Variants in FLT1 observed in about 807,000 individuals in gnomAD.
The protein encoded by FLT1 is vascular endothelial growth factor receptor 1.
FLT1 carries 49 observed loss-of-function variants against 156.3 expected under a neutral mutation model. The ratio of observed to expected loss-of-function variants is 0.31; its 90% confidence interval spans 0.25 to 0.40. FLT1 has a LOEUF of 0.40. Ranked by LOEUF, FLT1 falls within the 10% of genes least tolerant of loss-of-function variation. The probability of loss-of-function intolerance (pLI) is 1.00; values close to 1 mark genes in which losing one functional copy is unlikely to be tolerated. For synonymous variants in FLT1, 594 were observed against 583.8 expected (o/e 1.02, Z -0.25); for missense variants, 1,322 against 1,637.2 (o/e 0.81, Z 3.32).
intron 3 of FLT1, among the ~76,000 whole-genome samples, chr13:28,466,448 A>G (rs1879851707): frequency 6.6e-6 from 1 of 152,206 alleles, no homozygotes. Flanking sequence ...GGAACCAGTT[A>G]TATAACACTC....
intron 10 of FLT1, among the ~76,000 whole-genome samples, chr13:28,412,054 T>C (rs1235832255): frequency 2.0e-5 from 3 of 152,016 alleles, no homozygotes; most frequent in African/African-American, 2.4e-5. Context: ...AGAGGAGTAA[T>C]GAAAAGCAAA....
chr13:28,311,453 T>A (rs1341294484), intron 27 of FLT1, 137 bp downstream of exon 27: 1 of 791,972 alleles, frequency 1.3e-6, no homozygotes, highest in Admixed American at 2.7e-5. Flanking sequence ...ATCAACATAA[T>A]CTTTCTTTCT....
At chr13:28,321,086 TG>T (rs949954408) in intron 23 of FLT1, among the ~76,000 whole-genome samples, 4 of 152,142 alleles carry the variant, frequency 2.6e-5, no homozygotes, top group African/African-American at 7.2e-5. Flanking sequence ...ATCAATCATC[TG>T]GGTTTATTTG....
chr13:28,305,726 G>A (rs1870715480), intron 29 of FLT1, among the ~76,000 whole-genome samples: 1 of 152,216 alleles, frequency 6.6e-6, no homozygotes, highest in Admixed American at 6.5e-5. Context: ...ATGGCTTTGA[G>A]TGCAGCCCAA....
At chr13:28,362,801 T>C (rs895410777) in intron 14 of FLT1, among the ~76,000 whole-genome samples, 11 of 152,198 alleles carry the variant, frequency 7.2e-5, no homozygotes, top group African/African-American at 2.7e-4. Context: ...TAACATCATC[T>C]GGCACAGATT....
chr13:28,433,082 T>C (rs1043018148), intron 6 of FLT1, among the ~76,000 whole-genome samples: 3 of 152,192 alleles, frequency 2.0e-5, no homozygotes, highest in African/African-American at 7.2e-5. Context: ...GACTTTGTAA[T>C]TGGGCAATCT....
rs112295569 is a variant in FLT1 at position 28,344,075 on chromosome 13, C to T, written c.2355+1370G>A. On this transcript the variant is annotated intron_variant, in intron 16 of 29. Transcript: ENST00000282397. ...AATTTTTCCAGACATATATCTGTCA[C>T]ACTAGGTGCCCCACTCCCCCCATTC... Among the ~76,000 whole-genome samples the T allele has an allele frequency of 7.1e-3, 1,073 of 151,850 alleles. 15 individuals carry two copies. Among genetic ancestry groups the T allele is most frequent in the African/African-American group, 0.025 (1,020 of 41,482 alleles).
At chr13:28,441,542 T>C (rs1208206523) in intron 3 of FLT1, among the ~76,000 whole-genome samples, 2 of 152,144 alleles carry the variant, frequency 1.3e-5, no homozygotes, top group South Asian at 4.1e-4. Flanking sequence ...CTGGTACCAG[T>C]AGGTAGATAT....
chr13:28,317,451 T>A lies in FLT1; in HGVS notation c.3386+47A>T, dbSNP rs372468946. 13 of 1,205,240 alleles carry A rather than the reference T, an allele frequency of 1.1e-5. No individual in the cohort carries two copies. In the African/African-American group the frequency reaches 1.6e-4, roughly 15 times the overall value. The allele number at this position is 1,205,240 out of a possible 1,614,324, so 74.7% of individuals were successfully genotyped here. ...ACATCCCCTCTCAGGAATGCCCTGG[T>A]GAAAAGCGAGCTGTCAGATGGGGAG... On this transcript the variant is annotated intron_variant, in intron 25 of 29. Coordinates refer to ENST00000282397, the MANE Select transcript of FLT1 (RefSeq NM_002019.4).
chr13:28,363,012 C>T (rs1456167914), intron 14 of FLT1, among the ~76,000 whole-genome samples: 5 of 152,166 alleles, frequency 3.3e-5, no homozygotes, highest in African/African-American at 1.2e-4. Flanking sequence ...GCATTTATTT[C>T]CCTTCTTACG....
At chr13:28,369,165 A>G (rs1873437374) in intron 14 of FLT1, among the ~76,000 whole-genome samples, 1 of 152,204 alleles carries the variant, frequency 6.6e-6, no homozygotes, top group Admixed American at 6.5e-5. Flanking sequence ...CAAACTTTGG[A>G]TTTTTGGAAA....
At chr13:28,315,465 A>T (rs1056989299) in intron 25 of FLT1, among the ~76,000 whole-genome samples, 4 of 152,208 alleles carry the variant, frequency 2.6e-5, no homozygotes, top group African/African-American at 9.7e-5. Context: ...CTGAGGAAAA[A>T]GAATGACTTG....
chr13:28,403,590 G>T (rs1242651852), intron 11 of FLT1, among the ~76,000 whole-genome samples: 1 of 152,146 alleles, frequency 6.6e-6, no homozygotes, highest in Non-Finnish European at 1.5e-5. Context: ...ATAAATTCTT[G>T]TGTTAATATC....
At chr13:28,401,986 C>T (rs1875469597) in intron 11 of FLT1, among the ~76,000 whole-genome samples, 1 of 152,186 alleles carries the variant, frequency 6.6e-6, no homozygotes, top group East Asian at 1.9e-4. Flanking sequence ...TCCATATCTA[C>T]AAACCTAACA....
chr13:28,307,370 T>C (rs1327190520), intron 28 of FLT1, among the ~76,000 whole-genome samples: 2 of 152,180 alleles, frequency 1.3e-5, no homozygotes, highest in African/African-American at 2.4e-5. Context: ...TTTAAGGCTC[T>C]TACAGGGCAG....
At chr13:28,370,133 A>G (rs1400733171) in intron 14 of FLT1, among the ~76,000 whole-genome samples, 1 of 151,932 alleles carries the variant, frequency 6.6e-6, no homozygotes, top group Non-Finnish European at 1.5e-5. Flanking sequence ...GCAGTGAGCC[A>G]TGGTGACGCC....
At chr13:28,305,784 T>A (rs12877323) in intron 29 of FLT1, among the ~76,000 whole-genome samples, 2 of 152,084 alleles carry the variant, frequency 1.3e-5, no homozygotes, top group African/African-American at 4.8e-5. Context: ...TTTTTGCAAC[T>A]TTTTTAGCTT....
At chr13:28,415,995 G>A (rs1039722500) in intron 10 of FLT1, among the ~76,000 whole-genome samples, 8 of 152,166 alleles carry the variant, frequency 5.3e-5, no homozygotes, top group South Asian at 4.1e-4. Context: ...CTTTGCAGTG[G>A]GCAGCCCCAG....
rs368873174 is a variant in FLT1 at position 28,339,222 on chromosome 13, G to A, written c.2434C>T (p.Arg812Trp). The A allele has an allele frequency of 6.2e-5, 100 of 1,614,060 alleles. No individual in the cohort carries two copies. The East Asian group carries it at 1.3e-3, about 22-fold the overall frequency. ...DEVPLDEQCE[R>W]LPYDASKWEF... ...CACTTGCTGGCATCATAAGGGAGCC[G>A]CTCACACTGCTCATCCAAAGGAACT... The change falls in exon 17 of 30, where the codon CGG (arginine) becomes TGG (tryptophan). Residue 812 changes from arginine to tryptophan, a missense_variant. Arg to Trp is a moderately radical substitution (Grantham distance 101, BLOSUM62 -3). Around this residue, in one of 3 missense-constraint regions of FLT1, gnomAD observed 991 missense variants for 1,254.8 expected, o/e 0.79. Coordinates refer to ENST00000282397, the MANE Select transcript of FLT1 (RefSeq NM_002019.4).
Sources: allele counts gnomAD v4.1 joint callset (sites outside exome capture counted in the v4.1 genomes callset), GRCh38; gene constraint gnomAD v4.1.1; regional missense constraint gnomAD v4.1.1; transcripts MANE v1.5; gene names NCBI Gene and HGNC (gene_info 2026-07-23, HGNC 2026-07-21).